Variants in TESC observed in about 807,000 individuals in gnomAD.
TESC encodes tescalcin.
TESC carries 19 observed loss-of-function variants against 31.0 expected under a neutral mutation model. That is an observed-to-expected ratio of 0.61 (90% CI 0.43 to 0.90). The LOEUF (loss-of-function observed/expected upper bound fraction) is 0.90. Ranked by LOEUF, TESC falls within the 40% of genes least tolerant of loss-of-function variation. The probability of loss-of-function intolerance (pLI) is 0.00; values close to 1 mark genes in which losing one functional copy is unlikely to be tolerated. For missense variants in TESC, 248 were observed against 303.8 expected (o/e 0.82, Z 1.36); for synonymous variants, 109 against 114.8 (o/e 0.95, Z 0.32).
At chr12:117,044,187 G>A (rs975510242) in intron 6 of TESC, among the ~76,000 whole-genome samples, 2 of 152,046 alleles carry the variant, frequency 1.3e-5, no homozygotes. Context: ...TGGCTTGAGC[G>A]CAGGAGATGG....
chr12:117,070,530 C>T (rs1327326094), intron 2 of TESC, among the ~76,000 whole-genome samples: 1 of 152,140 alleles, frequency 6.6e-6, no homozygotes, highest in East Asian at 1.9e-4. Context: ...GCACCTCCCC[C>T]ACCCCCAGTA....
chr12:117,088,054 C>T (rs948942513), intron 1 of TESC, among the ~76,000 whole-genome samples: 27 of 152,144 alleles, frequency 1.8e-4, no homozygotes, highest in Admixed American at 1.6e-3. Flanking sequence ...GAAGGTCACA[C>T]AGCTAGGAGC....
chr12:117,052,083 C>A (rs970072087), intron 3 of TESC, among the ~76,000 whole-genome samples: 7 of 152,148 alleles, frequency 4.6e-5, no homozygotes, highest in Non-Finnish European at 8.8e-5. Context: ...CCCTCTAACT[C>A]CCATTTCTAA....
intron 1 of TESC, among the ~76,000 whole-genome samples, chr12:117,083,766 G>A (rs1955179979): frequency 6.6e-6 from 1 of 152,318 alleles, no homozygotes; most frequent in East Asian, 1.9e-4. Context: ...GTGACTGCCA[G>A]TGGGTATCCT....
At chr12:117,085,950 TG>T (rs1282171694) in intron 1 of TESC, among the ~76,000 whole-genome samples, 2 of 152,034 alleles carry the variant, frequency 1.3e-5, no homozygotes, top group African/African-American at 4.8e-5. Flanking sequence ...AAAAACAAAA[TG>T]GGTATATCCA....
intron 2 of TESC, among the ~76,000 whole-genome samples, chr12:117,057,795 T>C: frequency 6.6e-6 from 1 of 152,174 alleles, no homozygotes; most frequent in South Asian, 2.1e-4. Flanking sequence ...AGATGGAGTC[T>C]CGCTCTGCCG....
chr12:117,099,008 A>C (rs1301825952), intron 1 of TESC, among the ~76,000 whole-genome samples: 1 of 152,038 alleles, frequency 6.6e-6, no homozygotes, highest in Non-Finnish European at 1.5e-5. Context: ...GCCAGTCCGA[A>C]GCTGAGCGGC....
intron 2 of TESC, among the ~76,000 whole-genome samples, chr12:117,058,089 G>A (rs779719097): frequency 2.6e-5 from 4 of 151,992 alleles, no homozygotes; most frequent in South Asian, 2.1e-4. Flanking sequence ...GTGTGGTGGC[G>A]CACATCTGTA....
At chr12:117,049,838 T>G (rs1345467954) in intron 3 of TESC, among the ~76,000 whole-genome samples, 2 of 146,192 alleles carry the variant, frequency 1.4e-5, no homozygotes, top group African/African-American at 5.2e-5. Context: ...GAGGTGGAGG[T>G]TGCAGTAAGC....
At chr12:117,043,090 C>T (rs1954508164) in intron 6 of TESC, among the ~76,000 whole-genome samples, 1 of 152,012 alleles carries the variant, frequency 6.6e-6, no homozygotes, top group African/African-American at 2.4e-5. Flanking sequence ...AAGATGTCTG[C>T]AGGTCTGTGC....
At chr12:117,062,103 A>G (rs1298878972) in intron 2 of TESC, among the ~76,000 whole-genome samples, 1 of 152,218 alleles carries the variant, frequency 6.6e-6, no homozygotes. Flanking sequence ...TAATAATAAT[A>G]ATGTAACAGC....
intron 2 of TESC, among the ~76,000 whole-genome samples, chr12:117,058,237 G>A (rs551936715): frequency 1.7e-3 from 257 of 152,050 alleles, no homozygotes; most frequent in African/African-American, 5.9e-3. Context: ...TTGAGACTCC[G>A]TCTCAAAATA....
intron 4 of TESC, 139 bp downstream of exon 4, chr12:117,048,880 G>T: frequency 2.2e-6 from 3 of 1,345,674 alleles, no homozygotes; most frequent in Non-Finnish European, 2.1e-6. Context: ...CAGGGACGAG[G>T]GCTGGTGGCC....
At chr12:117,086,438 T>A (rs939085890) in intron 1 of TESC, among the ~76,000 whole-genome samples, 1 of 151,454 alleles carries the variant, frequency 6.6e-6, no homozygotes. Flanking sequence ...AATGTTAACT[T>A]TTTTTTGAGA....
At chr12:117,056,032 T>C (rs1954718513) in intron 3 of TESC, among the ~76,000 whole-genome samples, 1 of 150,210 alleles carries the variant, frequency 6.7e-6, no homozygotes, top group South Asian at 2.2e-4. Flanking sequence ...GAGATTCTCC[T>C]GCCTCAGCCT....
At position 117,092,099 on chromosome 12, in the gene TESC, T is replaced by C. The variant is rs569688072; in HGVS notation, c.58+7126A>G. ...TTGCCCATCTATAAACTGGCAGCAA[T>C]AGTCCCACCCTCAAAGGGCTTTTCG... is the stretch of plus-strand genomic sequence containing the variant. On this transcript the variant is annotated intron_variant, in intron 1 of 7. Coordinates refer to ENST00000335209, the MANE Select transcript of TESC (RefSeq NM_017899.4). Among the ~76,000 whole-genome samples the C allele has an allele frequency of 1.1e-4, 16 of 152,258 alleles. 1 individual carries two copies. In the Middle Eastern group the frequency reaches 0.01, roughly 98 times the overall value.
At chr12:117,097,435 C>A (rs1955410056) in intron 1 of TESC, among the ~76,000 whole-genome samples, 1 of 152,188 alleles carries the variant, frequency 6.6e-6, no homozygotes, top group African/African-American at 2.4e-5. Flanking sequence ...AGGTGGAATT[C>A]CCGAGTGCCC....
At chr12:117,063,289 T>C (rs1954824379) in intron 2 of TESC, among the ~76,000 whole-genome samples, 1 of 152,060 alleles carries the variant, frequency 6.6e-6, no homozygotes, top group Admixed American at 6.6e-5. Context: ...TTCCTTCCAG[T>C]TGCGCATTTT....
At chr12:117,057,865 T>C (rs1954747772) in intron 2 of TESC, among the ~76,000 whole-genome samples, 1 of 152,128 alleles carries the variant, frequency 6.6e-6, no homozygotes, top group South Asian at 2.1e-4. Context: ...GAGTATTTTT[T>C]AGCCATAAAA....
Sources: allele counts gnomAD v4.1 joint callset (sites outside exome capture counted in the v4.1 genomes callset), GRCh38; gene constraint gnomAD v4.1.1; transcripts MANE v1.5; gene names NCBI Gene and HGNC (gene_info 2026-07-23, HGNC 2026-07-21).